SMARCAD1: variants seen among roughly 807,000 people sequenced by gnomAD.
SMARCAD1 encodes SNF2 related chromatin remodeling ATPase with DExD box 1, also known as SWI/SNF-related matrix-associated actin-dependent regulator of chromatin subfamily A containing DEAD/H box 1.
SMARCAD1 carries 25 observed loss-of-function variants against 127.1 expected under a neutral mutation model. The observed-to-expected ratio is 0.20, with a 90% CI of 0.14 to 0.27. The LOEUF (loss-of-function observed/expected upper bound fraction) is 0.27. Among genes scored for constraint, SMARCAD1 ranks in the 10% least tolerant of loss-of-function variants. The pLI is 1.00. For synonymous variants in SMARCAD1, 400 were observed against 396.9 expected (o/e 1.01, Z -0.09); for missense variants, 807 against 1,206.0 (o/e 0.67, Z 4.90).
chr4:94,241,314 G>A (rs960270762), intron 6 of SMARCAD1, among the ~76,000 whole-genome samples: 1 of 152,116 alleles, frequency 6.6e-6, no homozygotes, highest in Non-Finnish European at 1.5e-5. Context: ...ATTTGTGACT[G>A]TTTTTGCTTT....
At chr4:94,211,827 A>G (rs558649452) in intron 2 of SMARCAD1, among the ~76,000 whole-genome samples, 1 of 152,182 alleles carries the variant, frequency 6.6e-6, no homozygotes, top group East Asian at 1.9e-4. Flanking sequence ...ATCTCAGTAA[A>G]ATGTCACCTT....
chr4:94,244,627 GAT>G (rs1748122705), intron 6 of SMARCAD1, among the ~76,000 whole-genome samples: 2 of 152,190 alleles, frequency 1.3e-5, no homozygotes, highest in African/African-American at 4.8e-5. Flanking sequence ...CCTTTTAAAA[GAT>G]ATTGTTAACG....
intron 5 of SMARCAD1, among the ~76,000 whole-genome samples, chr4:94,240,530 C>T (rs187802085): frequency 2.7e-3 from 407 of 152,286 alleles, no homozygotes; most frequent in Non-Finnish European, 5.0e-3. Context: ...TTGCTGGTTT[C>T]TGTGATGGTA....
chr4:94,288,980 A>T (rs1053481182), intron 23 of SMARCAD1, among the ~76,000 whole-genome samples: 1 of 152,174 alleles, frequency 6.6e-6, no homozygotes, highest in African/African-American at 2.4e-5. Flanking sequence ...TAAAGTGGCT[A>T]ATTTAATCAT....
At chr4:94,230,281 G>A (rs930679031) in intron 3 of SMARCAD1, among the ~76,000 whole-genome samples, 1 of 149,976 alleles carries the variant, frequency 6.7e-6, no homozygotes, top group Non-Finnish European at 1.5e-5. Context: ...ATACTTTCGT[G>A]TATTTTTTTT....
chr4:94,212,961 C>T (rs1742524144), intron 2 of SMARCAD1: 6 of 714,018 alleles, frequency 8.4e-6, no homozygotes, highest in Admixed American at 2.4e-5. Context: ...TTACTCTTCT[C>T]GGTGCCCAAA....
At chr4:94,284,579 T>G (rs142907097) in intron 22 of SMARCAD1, among the ~76,000 whole-genome samples, 75,571 of 145,414 alleles carry the variant, frequency 0.52, 20,544 homozygotes, top group East Asian at 0.71. Flanking sequence ...GGTTTTTGTT[T>G]TTTTTTTTTT....
Position 94,236,837 on chromosome 4 carries a change from C to T in SMARCAD1, c.538-115C>T, listed in dbSNP as rs1228405290. ...AGGACTTAATGAACTTAAACTATGA[C>T]ACACATACTTTCCTGTCATGTTTAT... On this transcript the variant is annotated intron_variant, in intron 4 of 23. Coordinates refer to ENST00000354268, the MANE Select transcript of SMARCAD1 (RefSeq NM_020159.5). The T allele has an allele frequency of 6.0e-6, 5 of 829,088 alleles. No individual in the cohort carries two copies. The East Asian group carries it at 1.3e-4, about 22-fold the overall frequency. 51.4% of individuals were successfully genotyped at this position (829,088 alleles called of 1,614,324 possible).
intron 2 of SMARCAD1, among the ~76,000 whole-genome samples, chr4:94,211,680 A>G (rs1044376404): frequency 6.6e-6 from 1 of 152,120 alleles, no homozygotes; most frequent in Non-Finnish European, 1.5e-5. Flanking sequence ...ACCCTCCTTC[A>G]GTTACTGTGC....
chr4:94,261,088 C>T (rs1031147684), intron 9 of SMARCAD1, among the ~76,000 whole-genome samples: 1 of 151,518 alleles, frequency 6.6e-6, no homozygotes, highest in Non-Finnish European at 1.5e-5. Flanking sequence ...AGTTACCTCT[C>T]GTGTAACACA....
chr4:94,288,431 A>G (rs948634367), intron 23 of SMARCAD1, among the ~76,000 whole-genome samples: 3 of 151,954 alleles, frequency 2.0e-5, no homozygotes, highest in Non-Finnish European at 4.4e-5. Flanking sequence ...TTATATAGTA[A>G]TTTATGAAGT....
intron 2 of SMARCAD1, among the ~76,000 whole-genome samples, chr4:94,217,507 CT>C (rs1334719583): frequency 5.9e-5 from 9 of 151,988 alleles, no homozygotes; most frequent in African/African-American, 2.2e-4. Flanking sequence ...GAGGTTTTGT[CT>C]CTTTTTAAAA....
intron 20 of SMARCAD1, 122 bp downstream of exon 20, chr4:94,280,902 G>C (rs898978293): frequency 3.2e-5 from 30 of 939,662 alleles, no homozygotes; most frequent in Non-Finnish European, 4.9e-5. Context: ...CCAGAACTTA[G>C]TGTTTTGAAC....
At chr4:94,259,449 A>G (rs1256412115) in intron 9 of SMARCAD1, among the ~76,000 whole-genome samples, 2 of 152,208 alleles carry the variant, frequency 1.3e-5, no homozygotes, top group Admixed American at 1.3e-4. Context: ...AGATAGATCT[A>G]AATTCTAAAT....
chr4:94,249,966 TAA>T (rs1270138580), intron 7 of SMARCAD1, among the ~76,000 whole-genome samples: 1 of 152,012 alleles, frequency 6.6e-6, no homozygotes, highest in East Asian at 1.9e-4. Flanking sequence ...ACTGTATCCC[TAA>T]GTCATTAAAA....
intron 2 of SMARCAD1, among the ~76,000 whole-genome samples, chr4:94,211,595 A>G (rs1742274247): frequency 6.6e-6 from 1 of 152,226 alleles, no homozygotes; most frequent in South Asian, 2.1e-4. Context: ...AATTGTATGT[A>G]GTCAAAATTA....
At chr4:94,262,904 A>AAAAG (rs1164354406) in intron 9 of SMARCAD1, among the ~76,000 whole-genome samples, 7 of 97,106 alleles carry the variant, frequency 7.2e-5, no homozygotes, top group Non-Finnish European at 1.2e-4. Flanking sequence ...AAAAAAAAAA[A>AAAAG]AAAGAAAGAA....
chr4:94,251,452 T>C (rs946001736), intron 8 of SMARCAD1, among the ~76,000 whole-genome samples: 1 of 152,168 alleles, frequency 6.6e-6, no homozygotes, highest in African/African-American at 2.4e-5. Flanking sequence ...TTGTTTTTAA[T>C]AAATTGTTTT....
At chr4:94,281,868 A>G (rs1754075511) in intron 21 of SMARCAD1, among the ~76,000 whole-genome samples, 1 of 106,392 alleles carries the variant, frequency 9.4e-6, no homozygotes, top group Admixed American at 1.1e-4. Flanking sequence ...TAAAAACACC[A>G]ATAGCAACAA....
Sources: allele counts gnomAD v4.1 joint callset (sites outside exome capture counted in the v4.1 genomes callset), GRCh38; gene constraint gnomAD v4.1.1; transcripts MANE v1.5; gene names NCBI Gene and HGNC (gene_info 2026-07-23, HGNC 2026-07-21).